Variants in NNT observed in about 807,000 individuals in gnomAD.
NNT encodes the protein nicotinamide nucleotide transhydrogenase.
NNT carries 50 observed loss-of-function variants against 104.8 expected under a neutral mutation model. The ratio of observed to expected loss-of-function variants is 0.48; its 90% CI spans 0.38 to 0.60. The LOEUF (loss-of-function observed/expected upper bound fraction) is 0.60. Among genes scored for constraint, NNT ranks in the 20% least tolerant of loss-of-function variants. The pLI is 0.00. For synonymous variants in NNT, 461 were observed against 490.4 expected (o/e 0.94, Z 0.79); for missense variants, 1,131 against 1,330.7 (o/e 0.85, Z 2.33).
chr5:43,618,570 A>T (rs575657419), intron 4 of NNT, among the ~76,000 whole-genome samples: 1 of 152,358 alleles, frequency 6.6e-6, no homozygotes, highest in East Asian at 1.9e-4. Context: ...ATAGTAAAGT[A>T]AGTGTGAAGG....
intron 5 of NNT, among the ~76,000 whole-genome samples, chr5:43,621,356 A>G (rs1475954717): frequency 3.9e-5 from 6 of 152,190 alleles, no homozygotes; most frequent in Non-Finnish European, 7.3e-5. Context: ...AGGGAAGCCA[A>G]AAGATTGGCC....
Position 43,656,194 on chromosome 5 carries a change from C to T in NNT, c.2293+121C>T, listed in dbSNP as rs1740034904. On this transcript the variant is annotated intron_variant, in intron 15 of 21. Transcript: ENST00000344920. ...GCAATGGCTCATGCCTGCAATCCAG[C>T]ACTTTGGGAGGCTGAGGTGGGAGGC... 4 of 840,110 alleles carry T rather than the reference C, an allele frequency of 4.8e-6. No individual in the cohort carries two copies. The Admixed American group carries it at 9.4e-5, about 20-fold the overall frequency. The allele number at this position is 840,110 out of a possible 1,614,324, so 52.0% of individuals were successfully genotyped here.
At chr5:43,654,962 C>T (rs1303180630) in intron 14 of NNT, among the ~76,000 whole-genome samples, 1 of 152,132 alleles carries the variant, frequency 6.6e-6, no homozygotes, top group Non-Finnish European at 1.5e-5. Context: ...ATATTCTGAG[C>T]CCCACTCCTT....
rs200717633 is a variant in NNT, at chr5:43,675,606, G to A, written c.2730G>A (p.Thr910=). 6.2e-6 allele frequency: 10 copies of A among 1,612,762 alleles called. No homozygotes were observed. Among genetic ancestry groups the A allele is most frequent in the African/African-American group, 4.0e-5 (3 of 74,918 alleles). Residue 910 remains threonine (T), a synonymous_variant, in exon 18 of 22, where the codon ACG becomes ACA. Coordinates refer to ENST00000344920, the MANE Select transcript of NNT (RefSeq NM_182977.3). The part of the protein sequence containing the change: ...GKPMEISGTH[T]EINLDNAIDM... ...CCATGGAAATTTCTGGCACACATACGGAAATCAACCTTGACAATGCAATTG... is the reference window on the plus strand; with the variant it reads ...CCATGGAAATTTCTGGCACACATACAGAAATCAACCTTGACAATGCAATTG...
At chr5:43,628,069 C>T (rs930063835) in intron 6 of NNT, 131 bp from the exon 7 acceptor site, 15 of 632,850 alleles carry the variant, frequency 2.4e-5, no homozygotes, top group Middle Eastern at 3.4e-4. Flanking sequence ...CAATTAAGTA[C>T]GAAATCAAAG....
At chr5:43,611,573 A>T (rs1374792594) in intron 2 of NNT, among the ~76,000 whole-genome samples, 1 of 152,222 alleles carries the variant, frequency 6.6e-6, no homozygotes, top group Non-Finnish European at 1.5e-5. Context: ...AGTAAGGAGT[A>T]AGATTCAGCA....
chr5:43,678,508 T>C (rs1406715722), intron 19 of NNT, among the ~76,000 whole-genome samples: 1 of 152,194 alleles, frequency 6.6e-6, no homozygotes, highest in African/African-American at 2.4e-5. Context: ...GATTTATTAA[T>C]GGGGAAATCG....
At chr5:43,696,261 C>G (rs189525393) in intron 19 of NNT, among the ~76,000 whole-genome samples, 1 of 152,056 alleles carries the variant, frequency 6.6e-6, no homozygotes, top group African/African-American at 2.4e-5. Context: ...ACTAAAGGCC[C>G]CTTGCAAGTT....
At chr5:43,647,366 G>A (rs1426477275) in intron 10 of NNT, among the ~76,000 whole-genome samples, 1 of 152,128 alleles carries the variant, frequency 6.6e-6, no homozygotes, top group East Asian at 1.9e-4. Flanking sequence ...AGGAAATGTA[G>A]CAAGGCACAT....
At chr5:43,703,078 T>G (rs1235317007) in intron 21 of NNT, among the ~76,000 whole-genome samples, 2 of 152,232 alleles carry the variant, frequency 1.3e-5, no homozygotes, top group African/African-American at 4.8e-5. Flanking sequence ...CTCTGGGAAG[T>G]ATCAATCGCC....
At position 43,656,799 on chromosome 5, in the gene NNT, C is replaced by T. The variant is rs988616501; in HGVS notation, c.2440C>T (p.Leu814Phe). 2 of 1,612,198 alleles carry T rather than the reference C, an allele frequency of 1.2e-6. No individual in the cohort carries two copies. The change falls in exon 16 of 22, where the codon CTC (leucine) becomes TTC (phenylalanine). Residue 814 changes from leucine (L) to phenylalanine (F), a missense_variant. Coordinates refer to ENST00000344920, the MANE Select transcript of NNT (RefSeq NM_182977.3). ...GITCLGSVSA[L>F]SAVMGVTLTA... is the part of the protein sequence containing the mutation. ...CACCTGTCTGGGTTCAGTGTCTGCTCTCTCTGCTGTCATGGTAAGAAGTCA... is the reference window on the plus strand; with the variant it reads ...CACCTGTCTGGGTTCAGTGTCTGCTTTCTCTGCTGTCATGGTAAGAAGTCA...
At chr5:43,609,534 G>C (rs552624537) in intron 2 of NNT, among the ~76,000 whole-genome samples, 188 bp downstream of exon 2, 3 of 152,194 alleles carry the variant, frequency 2.0e-5, no homozygotes, top group African/African-American at 7.2e-5. Flanking sequence ...GATTTCCAGC[G>C]CTAACAGAGA....
chr5:43,620,106 G>A (rs1371771804), intron 5 of NNT, among the ~76,000 whole-genome samples: 2 of 152,132 alleles, frequency 1.3e-5, no homozygotes, highest in Non-Finnish European at 2.9e-5. Flanking sequence ...GGGATCAAAT[G>A]TCAACATGAG....
chr5:43,651,223 G>A (rs945508261), intron 12 of NNT, among the ~76,000 whole-genome samples: 2 of 151,960 alleles, frequency 1.3e-5, no homozygotes, highest in Admixed American at 6.6e-5. Context: ...TTTTCTTCCT[G>A]AATATATTTA....
At chr5:43,688,228 C>T (rs1742082296) in intron 19 of NNT, among the ~76,000 whole-genome samples, 1 of 151,968 alleles carries the variant, frequency 6.6e-6, no homozygotes, top group African/African-American at 2.4e-5. Flanking sequence ...CATTGGGTGG[C>T]TCAGTGTAAT....
intron 2 of NNT, 124 bp from the exon 3 acceptor site, chr5:43,612,784 C>T: frequency 1.5e-6 from 1 of 645,404 alleles, no homozygotes; most frequent in Non-Finnish European, 2.7e-6. Flanking sequence ...TGAACAGCAG[C>T]TTGCATGTGT....
intron 19 of NNT, among the ~76,000 whole-genome samples, chr5:43,682,495 G>A (rs1741776103): frequency 6.6e-6 from 1 of 152,160 alleles, no homozygotes; most frequent in African/African-American, 2.4e-5. Flanking sequence ...ACAGGCGTGA[G>A]CCACCACACT....
chr5:43,690,523 C>T (rs965090081), intron 19 of NNT, among the ~76,000 whole-genome samples: 2 of 152,160 alleles, frequency 1.3e-5, no homozygotes, highest in African/African-American at 2.4e-5. Flanking sequence ...TCCAATATTA[C>T]TTTTAATACC....
chr5:43,694,064 C>T (rs1353345325), intron 19 of NNT, among the ~76,000 whole-genome samples: 1 of 152,086 alleles, frequency 6.6e-6, no homozygotes, highest in Admixed American at 6.6e-5. Context: ...TGTAATGTTC[C>T]TGATTTGGCT....
Sources: gnomAD v4.1 joint callset for allele counts (sites outside exome capture counted in the v4.1 genomes callset) on GRCh38, gnomAD v4.1.1 for gene constraint, MANE v1.5 for transcripts, NCBI Gene and HGNC (gene_info 2026-07-23, HGNC 2026-07-21) for gene names.